The following JAKMIP3 variants were observed in gnomAD, a reference collection of about 807,000 sequenced individuals.
JAKMIP3 encodes janus kinase and microtubule-interacting protein 3.
In JAKMIP3, 58 loss-of-function variants were observed where a neutral mutation model predicts 118.5. That is an observed-to-expected ratio of 0.49 (90% CI 0.40 to 0.61). The LOEUF is 0.61. JAKMIP3 is among the 20% of genes least tolerant of loss of function. The probability of loss-of-function intolerance (pLI) is 0.00; values close to 1 mark genes in which losing one functional copy is unlikely to be tolerated. For missense variants in JAKMIP3, 950 were observed against 1,109.0 expected, an observed-to-expected ratio of 0.86 and a Z score of 2.04; for synonymous variants, 486 against 451.2, an observed-to-expected ratio of 1.08 and a Z score of -0.98.
chr10:132,054,715 T>G (rs940673006), intron 1 of JAKMIP3, among the ~76,000 whole-genome samples: 2 of 152,178 alleles, frequency 1.3e-5, no homozygotes, highest in Non-Finnish European at 2.9e-5. Flanking sequence ...GTGTGGTCAG[T>G]GAGCTGAAGT....
Position 132,163,294 on chromosome 10 carries a change from A to G in JAKMIP3, c.2306A>G (p.Glu769Gly), listed in dbSNP as rs1361417229. The part of the protein sequence containing the change: ...AKVAELLSEE[E>G]REKLKVAVEQ... Reference sequence around the variant, plus strand: ...GTGGCTGAGCTGCTGTCAGAGGAGGAGCGCGAGAAGCTCAAGGTGGCCGTG... The same window carrying G: ...GTGGCTGAGCTGCTGTCAGAGGAGGGGCGCGAGAAGCTCAAGGTGGCCGTG... Residue 769 changes from glutamate to glycine, a missense_variant, in exon 20 of 24, where the codon GAG becomes GGG. Glu to Gly is a moderately conservative substitution (Grantham distance 98, BLOSUM62 -2). Coordinates refer to ENST00000684848, the MANE Select transcript of JAKMIP3 (RefSeq NM_001323087.2). 1 of 1,603,036 alleles carries G rather than the reference A, an allele frequency of 6.2e-7. No individual in the cohort carries two copies. Among genetic ancestry groups the G allele is most frequent in the East Asian group, 2.2e-5 (1 of 44,484 alleles).
intron 19 of JAKMIP3, among the ~76,000 whole-genome samples, chr10:132,158,398 CCA>C (rs901761139): frequency 1.3e-5 from 2 of 152,196 alleles, no homozygotes; most frequent in Admixed American, 6.5e-5. Flanking sequence ...ATGTAGGTCT[CCA>C]CACACATTTC....
At chr10:132,180,205 A>G (rs1453023294) in intron 23 of JAKMIP3, among the ~76,000 whole-genome samples, 1 of 152,172 alleles carries the variant, frequency 6.6e-6, no homozygotes, top group Non-Finnish European at 1.5e-5. Flanking sequence ...GCAAGCAGGC[A>G]CTTCTGCAGC....
chr10:132,038,476 G>A (rs749630390), intron 1 of JAKMIP3, among the ~76,000 whole-genome samples: 2 of 152,106 alleles, frequency 1.3e-5, no homozygotes, highest in African/African-American at 2.4e-5. Flanking sequence ...AAAAAAAGAC[G>A]ACACAAAAGA....
At chr10:132,087,148 G>T (rs1274528019) in intron 1 of JAKMIP3, among the ~76,000 whole-genome samples, 1 of 152,144 alleles carries the variant, frequency 6.6e-6, no homozygotes, top group East Asian at 1.9e-4. Context: ...AAAAGAGTTG[G>T]CTTGTAATCA....
chr10:132,150,774 ATCCGTCC>A (rs2055998083), intron 16 of JAKMIP3, among the ~76,000 whole-genome samples: 1 of 152,044 alleles, frequency 6.6e-6, no homozygotes, highest in African/African-American at 2.4e-5. Context: ...TAATCCATGT[ATCCGTCC>A]TCCACAATTC....
intron 1 of JAKMIP3, among the ~76,000 whole-genome samples, chr10:132,054,096 C>G (rs1023386182): frequency 2.0e-5 from 3 of 150,716 alleles, no homozygotes; most frequent in Non-Finnish European, 2.9e-5. Context: ...GAACATGGGG[C>G]TACCACGTCA....
At chr10:132,050,373 G>A (rs1320594492) in intron 1 of JAKMIP3, among the ~76,000 whole-genome samples, 1 of 152,194 alleles carries the variant, frequency 6.6e-6, no homozygotes, top group African/African-American at 2.4e-5. Context: ...TCTTCTTTGT[G>A]GTGGTGTCCA....
Position 132,164,748 on chromosome 10 carries a change from C to T in JAKMIP3, c.2490+13C>T. 6.3e-7 allele frequency: 1 copy of T among 1,584,472 alleles called. No individual in the cohort carries two copies. The stretch of plus-strand genomic sequence containing the variant: ...ACTGGAGGAAAAGGTAAAACAAATG[C>T]AGTTTTGGGGGTTGCTTGTTAAGAT... On this transcript the variant is annotated intron_variant, in intron 21 of 23. Transcript: ENST00000684848.
intron 1 of JAKMIP3, among the ~76,000 whole-genome samples, chr10:132,093,157 T>C (rs2043320428): frequency 6.6e-6 from 1 of 152,164 alleles, no homozygotes; most frequent in Non-Finnish European, 1.5e-5. Flanking sequence ...TGCCCGGCCG[T>C]GTGAGGTGTC....
intron 2 of JAKMIP3, among the ~76,000 whole-genome samples, chr10:132,108,910 G>A (rs1373060855): frequency 1.3e-5 from 2 of 148,526 alleles, no homozygotes; most frequent in Non-Finnish European, 3.0e-5. Flanking sequence ...ATACGCAAAT[G>A]TATATATAAA....
At chr10:132,156,872 A>T (rs2057160504) in intron 19 of JAKMIP3, among the ~76,000 whole-genome samples, 1 of 152,124 alleles carries the variant, frequency 6.6e-6, no homozygotes, top group Admixed American at 6.5e-5. Context: ...TTTTTTTAAT[A>T]TTGCATTTTT....
intron 1 of JAKMIP3, among the ~76,000 whole-genome samples, chr10:132,052,311 C>T (rs981930393): frequency 1.1e-4 from 17 of 152,196 alleles, no homozygotes; most frequent in South Asian, 6.2e-4. Flanking sequence ...TAAATGTCTT[C>T]GTTTGACCTT....
chr10:132,117,008 G>A lies in JAKMIP3; in HGVS notation c.136-69G>A, dbSNP rs1589851735. The A allele has an allele frequency of 2.6e-6, 4 of 1,510,996 alleles. No individual in the cohort carries two copies. In the South Asian group the frequency reaches 5.2e-5, roughly 20 times the overall value. 93.6% of individuals were successfully genotyped at this position (1,510,996 alleles called of 1,614,324 possible). On this transcript the variant is annotated intron_variant, in intron 2 of 23. Transcript: ENST00000684848. This position sits in a 1 kb window ranked among gnomAD's most constrained non-coding sequence, Gnocchi z 8.6. ...GTGCAACGTGGAAGCTCCCCCAAAT[G>A]CACATTCAGGTGTGAGTGTGTGCAT... is the stretch of plus-strand genomic sequence containing the variant.
intron 23 of JAKMIP3, among the ~76,000 whole-genome samples, chr10:132,181,001 A>T (rs1053936910): frequency 2.0e-5 from 3 of 151,270 alleles, no homozygotes; most frequent in South Asian, 2.1e-4. Flanking sequence ...TATTGTGTGT[A>T]CATGCATGTG....
At chr10:132,131,689 T>C (rs1360693954) in intron 3 of JAKMIP3, among the ~76,000 whole-genome samples, 2 of 151,962 alleles carry the variant, frequency 1.3e-5, no homozygotes, top group Non-Finnish European at 2.9e-5. Flanking sequence ...ATGCTGGCAG[T>C]GGGGTGATGC....
intron 1 of JAKMIP3, among the ~76,000 whole-genome samples, chr10:132,079,212 G>C (rs1293684515): frequency 7.7e-5 from 11 of 142,872 alleles, no homozygotes; most frequent in Admixed American, 7.5e-4. Flanking sequence ...TCTGGTGGTG[G>C]GATCTGCATT....
In JAKMIP3 at chr10:132,117,277, G is replaced by T. The variant is rs1467582013; in HGVS notation, c.336G>T (p.Glu112Asp). 1 of 1,613,978 alleles carries T rather than the reference G, an allele frequency of 6.2e-7. No homozygotes were observed. The highest frequency in any genetic ancestry group is 2.2e-5 in the East Asian group (1 of 44,880). Residue 112 changes from glutamate to aspartate, a missense_variant, in exon 3 of 24, where the codon GAG becomes GAT. By Grantham distance (45) the Glu-to-Asp change is conservative. Coordinates refer to ENST00000684848, the MANE Select transcript of JAKMIP3 (RefSeq NM_001323087.2). The surrounding 1 kb of genome is among the most constrained non-coding windows in gnomAD (Gnocchi z 8.6). ...LLRVIKIKDN[E>D]NQRLQALLSA... ...GGGTCATCAAGATCAAGGACAACGA[G>T]AACCAGCGGCTGCAGGCACTGCTCA...
intron 1 of JAKMIP3, among the ~76,000 whole-genome samples, chr10:132,078,131 CTT>C (rs1589760306): frequency 6.6e-6 from 1 of 152,182 alleles, no homozygotes; most frequent in Non-Finnish European, 1.5e-5. Flanking sequence ...TTTAAAAAGA[CTT>C]TTGTTACCTT....
Sources: allele counts gnomAD v4.1 joint callset (sites outside exome capture counted in the v4.1 genomes callset), GRCh38; gene constraint gnomAD v4.1.1; non-coding constraint Gnocchi (gnomAD v3.1); transcripts MANE v1.5; gene names NCBI Gene and HGNC (gene_info 2026-07-23, HGNC 2026-07-21).